The following RHPN2 variants were observed in gnomAD, a reference collection of about 807,000 sequenced individuals.
RHPN2 encodes rhophilin-2.
A neutral mutation model predicts 79.0 loss-of-function variants in RHPN2; 40 were observed. The observed-to-expected ratio is 0.51, with a 90% CI of 0.39 to 0.66. The LOEUF (loss-of-function observed/expected upper bound fraction) is 0.66. Among genes scored for constraint, RHPN2 ranks in the 30% least tolerant of loss-of-function variants. RHPN2 has a pLI of 0.00. For missense variants in RHPN2, 686 were observed against 883.5 expected (o/e 0.78, Z 2.83); for synonymous variants, 285 against 363.5 (o/e 0.78, Z 2.46).
intron 2 of RHPN2, among the ~76,000 whole-genome samples, chr19:33,034,130 T>A (rs1364262423): frequency 6.6e-6 from 1 of 151,530 alleles, no homozygotes; most frequent in Non-Finnish European, 1.5e-5. Context: ...AGTGCTAGGA[T>A]TATAGGTGTG....
intron 1 of RHPN2, 60 bp from the exon 2 acceptor site, chr19:33,044,424 T>C: frequency 9.7e-7 from 1 of 1,026,098 alleles, no homozygotes; most frequent in Non-Finnish European, 1.6e-6. Flanking sequence ...GATGACAGGG[T>C]TTAATATAAT....
At chr19:32,994,850 C>A (rs910009386) in intron 11 of RHPN2, among the ~76,000 whole-genome samples, 3 of 151,810 alleles carry the variant, frequency 2.0e-5, no homozygotes, top group African/African-American at 7.3e-5. Flanking sequence ...ATAGTCCCAG[C>A]TACTTGGGAG....
chr19:33,047,491 G>A (rs998013696), intron 1 of RHPN2, among the ~76,000 whole-genome samples: 4 of 152,100 alleles, frequency 2.6e-5, no homozygotes, highest in Admixed American at 1.3e-4. Flanking sequence ...CCTGGGATAC[G>A]CCCACATTCC....
chr19:32,992,160 A>C, intron 12 of RHPN2, 191 bp from the exon 13 acceptor site: 1 of 616,602 alleles, frequency 1.6e-6, no homozygotes, highest in Non-Finnish European at 2.9e-6. Context: ...AACATACCCA[A>C]TATATTTTCA....
intron 2 of RHPN2, among the ~76,000 whole-genome samples, chr19:33,040,947 ACT>A (rs1221284549): frequency 2.0e-5 from 3 of 151,866 alleles, no homozygotes; most frequent in Non-Finnish European, 4.4e-5. Flanking sequence ...ACAGAATGAG[ACT>A]CTGTCTCAAA....
At chr19:33,042,735 C>T (rs542666562) in intron 2 of RHPN2, among the ~76,000 whole-genome samples, 4 of 152,174 alleles carry the variant, frequency 2.6e-5, no homozygotes, top group Admixed American at 1.3e-4. Flanking sequence ...AGTTCGAGAA[C>T]AACCTGGGCA....
chr19:33,015,424 CA>C (rs35155929), intron 4 of RHPN2, among the ~76,000 whole-genome samples: 5,034 of 98,100 alleles, frequency 0.051, 25 homozygotes, highest in East Asian at 0.13. Context: ...GACTTCGCCT[CA>C]AAAAAAAAAA....
In RHPN2 at chr19:32,996,174, C is replaced by A; in HGVS notation, c.1272G>T (p.Val424=). 6.2e-7 allele frequency: 1 copy of A among 1,614,170 alleles called. No individual in the cohort carries two copies. Among genetic ancestry groups the A allele is most frequent in the Middle Eastern group, 1.6e-4 (1 of 6,062 alleles). Residue 424 remains valine, a synonymous_variant, in exon 11 of 15, where the codon GTG becomes GTT. Transcript: ENST00000254260. The stretch of plus-strand genomic sequence containing the variant: ...GCTTCTTGCAGAGGCTGGCCTCCCG[C>A]ACCGACTCCTCGTGATGAGCCATGG... The part of the protein sequence containing the change: ...RRAMAHHEES[V]REASLCKKLR...
intron 1 of RHPN2, among the ~76,000 whole-genome samples, chr19:33,052,616 T>C (rs1391979338): frequency 1.3e-5 from 2 of 152,390 alleles, no homozygotes; most frequent in African/African-American, 2.4e-5. Context: ...GAAAATAGCA[T>C]GCAGTACACT....
At chr19:33,037,479 A>C (rs536904533) in intron 2 of RHPN2, among the ~76,000 whole-genome samples, 1 of 151,952 alleles carries the variant, frequency 6.6e-6, no homozygotes, top group African/African-American at 2.4e-5. Context: ...TTGTTCTTTC[A>C]CTCTTTGCAA....
intron 4 of RHPN2, among the ~76,000 whole-genome samples, chr19:33,013,863 CTTTATTTTAT>C (rs112772629): frequency 6.8e-6 from 1 of 146,888 alleles, no homozygotes; most frequent in South Asian, 2.1e-4. Context: ...TTTTATTTTA[CTTTATTTTAT>C]TTTATTTTAT....
chr19:33,019,374 G>A (rs2145244205), intron 4 of RHPN2, among the ~76,000 whole-genome samples: 1 of 152,168 alleles, frequency 6.6e-6, no homozygotes, highest in South Asian at 2.1e-4. Context: ...GTGGTCAGGA[G>A]TTCGAGACCC....
At chr19:33,055,647 A>T (rs1972225835) in intron 1 of RHPN2, among the ~76,000 whole-genome samples, 1 of 151,576 alleles carries the variant, frequency 6.6e-6, no homozygotes, top group Non-Finnish European at 1.5e-5. Context: ...ACACGAAATT[A>T]GCCCTCACTA....
intron 1 of RHPN2, among the ~76,000 whole-genome samples, chr19:33,061,506 C>T (rs764610326): frequency 1.3e-5 from 2 of 148,728 alleles, no homozygotes; most frequent in African/African-American, 2.5e-5. Context: ...TGCAGGGGTA[C>T]GGAGTCTCAC....
chr19:33,036,188 T>TA (rs1293249876), intron 2 of RHPN2, among the ~76,000 whole-genome samples: 7 of 137,950 alleles, frequency 5.1e-5, no homozygotes, highest in African/African-American at 2.1e-4. Flanking sequence ...GAAAATTAAT[T>TA]TTTTTTTTTT....
At chr19:33,000,109 C>T (rs1270138698) in intron 9 of RHPN2, among the ~76,000 whole-genome samples, 1 of 152,086 alleles carries the variant, frequency 6.6e-6, no homozygotes, top group Non-Finnish European at 1.5e-5. Context: ...TGGGTTCAAA[C>T]GATCCTCCTG....
intron 4 of RHPN2, among the ~76,000 whole-genome samples, chr19:33,015,604 C>T (rs1355408275): frequency 6.6e-6 from 1 of 152,052 alleles, no homozygotes; most frequent in African/African-American, 2.4e-5. Context: ...AACGTAACAG[C>T]ATGTTTATAA....
intron 2 of RHPN2, among the ~76,000 whole-genome samples, chr19:33,034,483 A>G (rs1036797034): frequency 2.6e-5 from 4 of 151,654 alleles, no homozygotes; most frequent in Admixed American, 6.6e-5. Context: ...GTGGGCGCCT[A>G]TAGTCCCAAC....
At chr19:33,038,964 GT>G (rs199618240) in intron 2 of RHPN2, among the ~76,000 whole-genome samples, 7 of 149,894 alleles carry the variant, frequency 4.7e-5, no homozygotes, top group East Asian at 2.0e-4. Context: ...GGTCTAAAAA[GT>G]TTTTTTTTTA....
Sources: allele counts gnomAD v4.1 joint callset (sites outside exome capture counted in the v4.1 genomes callset), GRCh38; gene constraint gnomAD v4.1.1; transcripts MANE v1.5; gene names NCBI Gene and HGNC (gene_info 2026-07-23, HGNC 2026-07-21).